The following PTPRH variants were observed in gnomAD, a reference collection of about 807,000 sequenced individuals.
PTPRH encodes the protein protein tyrosine phosphatase receptor type H.
A neutral mutation model predicts 130.2 loss-of-function variants in PTPRH; 113 were observed. That is an observed-to-expected ratio of 0.87 (90% CI 0.75 to 1.01). The LOEUF (loss-of-function observed/expected upper bound fraction) is 1.01, where lower values mean the gene tolerates loss of function less well. PTPRH is among the 50% of genes least tolerant of loss of function. The pLI is 0.00. For synonymous variants in PTPRH, 556 were observed against 577.9 expected (o/e 0.96, Z 0.54); for missense variants, 1,430 against 1,425.0 (o/e 1.00, Z -0.06).
intron 3 of PTPRH, among the ~76,000 whole-genome samples, chr19:55,206,418 G>A (rs1019612049): frequency 1.3e-5 from 2 of 151,248 alleles, no homozygotes; most frequent in Non-Finnish European, 2.9e-5. Context: ...CTGCCTCCCG[G>A]GCTCAAGCGA....
chr19:55,186,617 C>T (rs2086342098), intron 14 of PTPRH, 77 bp from the exon 15 acceptor site: 2 of 1,474,736 alleles, frequency 1.4e-6, no homozygotes, highest in Admixed American at 1.8e-5. Flanking sequence ...CAGAGAGACC[C>T]AGAGAGGCAC....
rs557594804 is a variant in PTPRH at position 55,181,631 on chromosome 19, C to T, written c.*123G>A. The T allele has an allele frequency of 1.5e-6, 2 of 1,357,812 alleles. No homozygotes were observed. The highest frequency in any genetic ancestry group is 2.3e-5 in the East Asian group (1 of 43,444). 84.1% of individuals were successfully genotyped at this position (1,357,812 alleles called of 1,614,324 possible). On this transcript the variant is annotated 3_prime_UTR_variant, in exon 20 of 20. Transcript: ENST00000376350. ...GGGAAACCAGAGTTTGGGATACCAGCCCCCTCCTCCCACAGCACCCAGGAG... is the reference window on the plus strand; with the variant it reads ...GGGAAACCAGAGTTTGGGATACCAGTCCCCTCCTCCCACAGCACCCAGGAG...
In PTPRH at chr19:55,206,697, G is replaced by C. The variant is rs139010305; in HGVS notation, c.344C>G (p.Thr115Ser). ...CAGTGGCTGCCTCTTACCTGTGGCA[G>C]TAGTGACAGTCCCCACAGAGCTATT... ...GVNSSVGTVT[T>S]ATAPNPVRNL... The change falls in exon 3 of 20, where the codon ACT (threonine) becomes AGT (serine). Residue 115 changes from threonine to serine, a missense_variant. Coordinates refer to ENST00000376350, the MANE Select transcript of PTPRH (RefSeq NM_002842.5). The C allele has an allele frequency of 1.1e-4, 169 of 1,598,004 alleles. No homozygotes were observed. In the African/African-American group the frequency reaches 1.4e-3, roughly 13 times the overall value.
rs758657568 is a variant in PTPRH at position 55,189,747 on chromosome 19, G to T, written c.2385-1579C>A. The T allele has an allele frequency of 8.8e-6, 4 of 455,920 alleles. No homozygotes were observed. The East Asian group carries it at 2.8e-4, about 32-fold the overall frequency. The allele number at this position is 455,920 out of a possible 1,614,324, so 28.2% of individuals were successfully genotyped here. A position where few individuals can be genotyped will look rare whatever the true frequency, so the allele number is the denominator to read the frequency against. ...TGTGATGCAAACACTTTGGGAGGCC[G>T]AGGTGGAAGGGCTGCTTGGGGCCAG... is the stretch of plus-strand genomic sequence containing the variant. On this transcript the variant is annotated intron_variant, in intron 12 of 19. Coordinates refer to ENST00000376350, the MANE Select transcript of PTPRH (RefSeq NM_002842.5).
At chr19:55,197,510 CATT>C (rs1405256810) in intron 8 of PTPRH, 94 bp from the exon 9 acceptor site, 2 of 1,214,160 alleles carry the variant, frequency 1.6e-6, no homozygotes, top group Non-Finnish European at 1.2e-6. Context: ...CTGAGATATC[CATT>C]ATTGATGGCT....
Position 55,196,672 on chromosome 19 carries a change from GTCC to G in PTPRH, c.2104_2106del (p.Gly702del). 6.2e-7 allele frequency: 1 copy of G among 1,614,020 alleles called. No homozygotes were observed. The highest frequency in any genetic ancestry group is 8.5e-7 in the Non-Finnish European group (1 of 1,180,004). ...GAAGATCTGTCCTGGGAGCCCCGCT[GTCC>G]TCCCACCTCCAACTCAAAGGCCTCG... On this transcript the variant is annotated inframe_deletion, in exon 10 of 20. Coordinates refer to ENST00000376350, the MANE Select transcript of PTPRH (RefSeq NM_002842.5).
In PTPRH at chr19:55,181,682, C is replaced by A; in HGVS notation, c.*72G>T. On this transcript the variant is annotated 3_prime_UTR_variant, in exon 20 of 20. Coordinates refer to ENST00000376350, the MANE Select transcript of PTPRH (RefSeq NM_002842.5). ...TCTGGGAGCCCAGCCCTCTGCTCTT[C>A]CAGGAATCTGGGCTCAAGTGGGTGT... 6.3e-7 allele frequency: 1 copy of A among 1,589,534 alleles called. No individual in the cohort carries two copies. Among genetic ancestry groups the A allele is most frequent in the Non-Finnish European group, 8.6e-7 (1 of 1,163,314 alleles).
Position 55,197,337 on chromosome 19 carries a change from G to T in PTPRH, c.1770C>A (p.Asp590Glu). Residue 590 changes from aspartate to glutamate, a missense_variant, in exon 9 of 20, where the codon GAC becomes GAA. By Grantham distance (45) the Asp-to-Glu change is conservative. Transcript: ENST00000376350. ...AGTATACGTACAACTGAGAGTGGGGGTCTCCAGGGGCCTTCCACCACAGCA... is the reference window on the plus strand; with the variant it reads ...AGTATACGTACAACTGAGAGTGGGGTTCTCCAGGGGCCTTCCACCACAGCA... ...SVMLWWKAPG[D>E]PHSQLYVYWV... 1 of 1,614,204 alleles carries T rather than the reference G, an allele frequency of 6.2e-7. No individual in the cohort carries two copies. Among genetic ancestry groups the T allele is most frequent in the African/African-American group, 1.3e-5 (1 of 75,048 alleles).
Position 55,181,720 on chromosome 19 carries a change from G to A in PTPRH, c.*34C>T, listed in dbSNP as rs759808551. 6.8e-6 allele frequency: 11 copies of A among 1,613,050 alleles called. No individual in the cohort carries two copies. Among genetic ancestry groups the A allele is most frequent in the Non-Finnish European group, 9.3e-6 (11 of 1,179,528 alleles). On this transcript the variant is annotated 3_prime_UTR_variant, in exon 20 of 20. Coordinates refer to ENST00000376350, the MANE Select transcript of PTPRH (RefSeq NM_002842.5). ...CTCAAGTGGGTGTCCAGAGCTTGAGGATGCCTGGGCTGCCGACCCAGCCCC... is the reference window on the plus strand; with the variant it reads ...CTCAAGTGGGTGTCCAGAGCTTGAGAATGCCTGGGCTGCCGACCCAGCCCC...
intron 6 of PTPRH, among the ~76,000 whole-genome samples, chr19:55,200,746 C>T (rs1004017899): frequency 2.0e-5 from 3 of 151,756 alleles, no homozygotes; most frequent in African/African-American, 4.8e-5. Flanking sequence ...AGATTGAGAC[C>T]ATCCTGGCTA....
rs200851851 is a variant in PTPRH at position 55,188,183 on chromosome 19, G to A, written c.2385-15C>T. 16 of 1,603,590 alleles carry A rather than the reference G, an allele frequency of 1.0e-5. No homozygotes were observed. Among genetic ancestry groups the A allele is most frequent in the Non-Finnish European group, 8.5e-7 (1 of 1,170,464 alleles). ...CCCCTGGGGAGCTACGGGTTTTGGG[G>A]GAGCAGGGAGAAAAGACCGTAACTT... On this transcript the variant is annotated splice_polypyrimidine_tract_variant and intron_variant, in intron 12 of 19. Transcript: ENST00000376350.
chr19:55,186,970 G>A (rs1319923882), intron 14 of PTPRH, among the ~76,000 whole-genome samples: 2 of 151,412 alleles, frequency 1.3e-5, no homozygotes, highest in South Asian at 2.1e-4. Flanking sequence ...GCTTGAACCC[G>A]AGAGGTGGAG....
Position 55,191,494 on chromosome 19 carries a change from T to C in PTPRH, c.2384+7A>G. ...TTTCCAATGCACCCCCCAGACCTTC[T>C]GCTCACCTAAAGACCAGATCCCTGA... On this transcript the variant is annotated splice_region_variant and intron_variant, in intron 12 of 19. Coordinates refer to ENST00000376350, the MANE Select transcript of PTPRH (RefSeq NM_002842.5). 1 of 1,614,098 alleles carries C rather than the reference T, an allele frequency of 6.2e-7. No homozygotes were observed. The highest frequency in any genetic ancestry group is 1.1e-5 in the South Asian group (1 of 91,078).
intron 2 of PTPRH, 63 bp downstream of exon 2, chr19:55,207,103 G>T (rs756613211): frequency 2.0e-4 from 327 of 1,603,952 alleles, no homozygotes; most frequent in Non-Finnish European, 2.7e-4. Flanking sequence ...CCCCCCAGAG[G>T]CTCACGGCAG....
rs142532576 is a variant in PTPRH at position 55,206,882 on chromosome 19, G to A, written c.159C>T (p.Pro53=). ...TSSISLSWEV[P]DGLDSQNSNY... ...TGGAGTTCTGTGAGTCTAGGCCATC[G>A]GGGACCTCCCAGCTCAGGGAGATGG... is the stretch of plus-strand genomic sequence containing the variant. The change falls in exon 3 of 20, where the codon CCC becomes CCT. Residue 53 remains proline (P), a synonymous_variant. Coordinates refer to ENST00000376350, the MANE Select transcript of PTPRH (RefSeq NM_002842.5). The A allele has an allele frequency of 1.2e-4, 192 of 1,613,626 alleles. No individual in the cohort carries two copies. The highest frequency in any genetic ancestry group is 1.6e-4 in the Non-Finnish European group (184 of 1,179,738).
At position 55,181,837 on chromosome 19, in the gene PTPRH, C is replaced by T. The variant is rs747304992; in HGVS notation, c.3265G>A (p.Glu1089Lys). 31 of 1,614,062 alleles carry T rather than the reference C, an allele frequency of 1.9e-5. No homozygotes were observed. The highest frequency in any genetic ancestry group is 1.6e-4 in the Middle Eastern group (1 of 6,072). The part of the protein sequence containing the change: ...FLQQSAQAPA[E>K]KEVPYEDVEN... ...ACATCCTCATACGGGACTTCCTTCT[C>T]GGCTGGGGCCTGGGCTGACTGTTGG... Residue 1089 changes from glutamate to lysine, a missense_variant, in exon 20 of 20, where the codon GAG becomes AAG. Transcript: ENST00000376350.
rs552071247 is a variant in PTPRH, at chr19:55,198,521, C to T, written c.1690+122G>A. 4.3e-5 allele frequency: 48 copies of T among 1,110,738 alleles called. No individual in the cohort carries two copies. The East Asian group carries it at 5.3e-4, about 12-fold the overall frequency. The allele number at this position is 1,110,738 out of a possible 1,614,324, so 68.8% of individuals were successfully genotyped here. On this transcript the variant is annotated intron_variant, in intron 8 of 19. Coordinates refer to ENST00000376350, the MANE Select transcript of PTPRH (RefSeq NM_002842.5). The stretch of plus-strand genomic sequence containing the variant: ...GAACGGGACCTACAGGTTTAAGCTC[C>T]GGCCGGTGAGGCTGGAGAGGCCCAT...
intron 18 of PTPRH, among the ~76,000 whole-genome samples, chr19:55,182,530 C>A (rs1196297786): frequency 6.6e-6 from 1 of 151,926 alleles, no homozygotes; most frequent in African/African-American, 2.4e-5. Context: ...ATCTCAAAAA[C>A]AACAACAACA....
intron 10 of PTPRH, among the ~76,000 whole-genome samples, 159 bp downstream of exon 10, chr19:55,196,363 G>A (rs1045505284): frequency 2.6e-5 from 4 of 152,136 alleles, no homozygotes; most frequent in African/African-American, 9.7e-5. Context: ...ACTCCAGCCT[G>A]GACAAGAAGA....
Sources: gnomAD v4.1 joint callset for allele counts (sites outside exome capture counted in the v4.1 genomes callset) on GRCh38, gnomAD v4.1.1 for gene constraint, MANE v1.5 for transcripts, NCBI Gene and HGNC (gene_info 2026-07-23, HGNC 2026-07-21) for gene names.